The following KCNA6 variants were observed in gnomAD, a reference collection of about 807,000 sequenced individuals.
The protein encoded by KCNA6 is human brain potassium channel-2.
Under a neutral mutation model 29.5 loss-of-function variants are expected in KCNA6, and 17 were observed. The observed-to-expected ratio is 0.58, with a 90% CI of 0.39 to 0.86. The LOEUF (loss-of-function observed/expected upper bound fraction) is 0.86, where lower values mean the gene tolerates loss of function less well. Ranked by LOEUF, KCNA6 falls within the 40% of genes least tolerant of loss-of-function variation. The pLI is 0.00. For missense variants in KCNA6, 450 were observed against 703.4 expected (o/e 0.64, Z 4.07); for synonymous variants, 296 against 304.7 (o/e 0.97, Z 0.30).
At chr12:4,809,909 A>G (rs1465125718) in exon 1 of KCNA6, 1 of 1,101,006 alleles carries the variant, frequency 9.1e-7, no homozygotes. Flanking sequence ...CGGCCAGGTC[A>G]GACCGCGAAC....
chr12:4,847,174 C>T, the KCNA6 span, among the ~76,000 whole-genome samples: 3 of 152,172 alleles, frequency 2.0e-5, no homozygotes, highest in East Asian at 5.8e-4. Context: ...AGTTTGAAAA[C>T]CACCCCCATT....
At chr12:4,833,165 A>G in the KCNA6 span, among the ~76,000 whole-genome samples, 22 of 152,184 alleles carry the variant, frequency 1.4e-4, no homozygotes. Flanking sequence ...TGACATAGCT[A>G]ACCAATTAAA....
the KCNA6 span, among the ~76,000 whole-genome samples, chr12:4,822,182 G>A: frequency 2.4e-4 from 36 of 152,102 alleles, no homozygotes; most frequent in Non-Finnish European, 4.6e-4. Flanking sequence ...TTCATAGGTG[G>A]GAGATATTTC....
the KCNA6 span, among the ~76,000 whole-genome samples, chr12:4,836,322 C>G: frequency 5.5e-4 from 84 of 152,202 alleles, no homozygotes; most frequent in African/African-American, 1.8e-3. Flanking sequence ...ATCAGGTGGA[C>G]TCTGCAGTAA....
the KCNA6 span, among the ~76,000 whole-genome samples, chr12:4,832,522 G>A: frequency 6.6e-6 from 1 of 152,130 alleles, no homozygotes; most frequent in Non-Finnish European, 1.5e-5. Context: ...GAGGACATTG[G>A]CTTGTACCTC....
At chr12:4,842,012 CGTGT>C in the KCNA6 span, among the ~76,000 whole-genome samples, 17,853 of 124,650 alleles carry the variant, frequency 0.14, 1,034 homozygotes, top group Admixed American at 0.16. Flanking sequence ...ATGGAGCTTA[CGTGT>C]GTGTGTGTGT....
chr12:4,849,614 C>T, the KCNA6 span, among the ~76,000 whole-genome samples: 2 of 151,408 alleles, frequency 1.3e-5, no homozygotes, highest in Admixed American at 6.6e-5. Flanking sequence ...TGACTGTCAC[C>T]AGGCAAACTG....
downstream of KCNA6, among the ~76,000 whole-genome samples, chr12:4,816,809 G>A (rs1052966784): frequency 6.6e-6 from 1 of 152,036 alleles, no homozygotes; most frequent in African/African-American, 2.4e-5. Flanking sequence ...GGACGGTAAC[G>A]GCCTTCATTT....
chr12:4,811,814 C>T lies in KCNA6; in HGVS notation c.*183C>T. Reference sequence around the variant, plus strand: ...CTTGTTGCTTAATCCCTGCAGCATTCAAGGTTAATCCATCTAAGTGACATT... The same window carrying T: ...CTTGTTGCTTAATCCCTGCAGCATTTAAGGTTAATCCATCTAAGTGACATT... On this transcript the variant is annotated 3_prime_UTR_variant, in exon 1 of 1. Transcript: ENST00000280684. This position sits in a 1 kb window ranked among gnomAD's most constrained non-coding sequence, Gnocchi z 7.1. 1.5e-6 allele frequency: 1 copy of T among 672,092 alleles called. No individual in the cohort carries two copies. The highest frequency in any genetic ancestry group is 2.5e-6 in the Non-Finnish European group (1 of 397,708). 41.6% of individuals were successfully genotyped at this position (672,092 alleles called of 1,614,324 possible). A position where few individuals can be genotyped will look rare whatever the true frequency, so the allele number is the denominator to read the frequency against.
At position 4,810,824 on chromosome 12, in the gene KCNA6, C is replaced by A; in HGVS notation, c.783C>A (p.Asp261Glu). The A allele has an allele frequency of 6.3e-7, 1 of 1,595,420 alleles. No individual in the cohort carries two copies. The highest frequency in any genetic ancestry group is 8.5e-7 in the Non-Finnish European group (1 of 1,171,204). ...CTCTTGGGGGCTCCTTCTTTACAGA[C>A]CCCTTCTTTCTGGTGGAGACGCTGT... Residue 261 changes from aspartate to glutamate, a missense_variant, in exon 1 of 1, where the codon GAC (aspartate) becomes GAA (glutamate). Physicochemically the swap from Asp to Glu is conservative, Grantham distance 45. Coordinates refer to ENST00000280684, the Ensembl canonical transcript of KCNA6. This position sits in a 1 kb window ranked among gnomAD's most constrained non-coding sequence, Gnocchi z 7.5.
the KCNA6 span, among the ~76,000 whole-genome samples, chr12:4,839,530 T>G: frequency 6.6e-6 from 1 of 152,336 alleles, no homozygotes; most frequent in Non-Finnish European, 1.5e-5. Context: ...AGTAGTTAAG[T>G]TTTGGGGGAG....
chr12:4,851,001 A>T, the KCNA6 span: 3 of 338,524 alleles, frequency 8.9e-6, no homozygotes. Context: ...GAGCAAAGAG[A>T]CCAGCTATGG....
At position 4,811,199 on chromosome 12, in the gene KCNA6, G is replaced by T. The variant is rs773957586; in HGVS notation, c.1158G>T (p.Gly386=). 4 of 1,614,072 alleles carry T rather than the reference G, an allele frequency of 2.5e-6. No individual in the cohort carries two copies. The highest frequency in any genetic ancestry group is 1.3e-5 in the African/African-American group (1 of 74,924). The change falls in exon 1 of 1, where the codon GGG becomes GGT. Residue 386 remains glycine, a synonymous_variant. Transcript: ENST00000280684. The surrounding 1 kb of genome is among the most constrained non-coding windows in gnomAD (Gnocchi z 7.1). The stretch of plus-strand genomic sequence containing the variant: ...TGCTCATCTTCTTCCTCTTCATCGG[G>T]GTCATCCTCTTCTCCAGTGCCGTCT...
Position 4,811,721 on chromosome 12 carries a change from T to A in KCNA6, c.*90T>A, listed in dbSNP as rs575085809. 5.6e-6 allele frequency: 8 copies of A among 1,428,212 alleles called. No homozygotes were observed. Among genetic ancestry groups the A allele is most frequent in the Non-Finnish European group, 5.7e-6 (6 of 1,047,602 alleles). 88.5% of individuals were successfully genotyped at this position (1,428,212 alleles called of 1,614,324 possible). ...TTTCCACTACTCACTCTAGCTTCAG[T>A]TGACTTCTTGACTCTCTCCCCTACA... On this transcript the variant is annotated 3_prime_UTR_variant, in exon 1 of 1. Transcript: ENST00000280684. This position sits in a 1 kb window ranked among gnomAD's most constrained non-coding sequence, Gnocchi z 7.1.
the KCNA6 span, among the ~76,000 whole-genome samples, chr12:4,818,760 C>G: frequency 6.6e-6 from 1 of 152,068 alleles, no homozygotes; most frequent in African/African-American, 2.4e-5. Context: ...TTATAGACTT[C>G]TGTTTACATG....
the KCNA6 span, among the ~76,000 whole-genome samples, chr12:4,828,570 C>A: frequency 6.6e-6 from 1 of 152,212 alleles, no homozygotes; most frequent in Non-Finnish European, 1.5e-5. Flanking sequence ...AGTAAAACAA[C>A]AACAGAAACA....
chr12:4,809,574 G>A lies in KCNA6; in HGVS notation c.-468G>A, dbSNP rs372483945. On this transcript the variant is annotated 5_prime_UTR_variant, in exon 1 of 1. Coordinates refer to ENST00000280684, the Ensembl canonical transcript of KCNA6. ...GCCAGGAGTCTTTGCCGAGCCGGAGGGAGGCGCATCTGGCGCTTCGGTACC... is the reference window on the plus strand; with the variant it reads ...GCCAGGAGTCTTTGCCGAGCCGGAGAGAGGCGCATCTGGCGCTTCGGTACC... The A allele has an allele frequency of 4.9e-4, 76 of 155,244 alleles. No homozygotes were observed. The East Asian group carries it at 8.2e-3, about 17-fold the overall frequency. 9.6% of individuals were successfully genotyped at this position (155,244 alleles called of 1,614,324 possible). A position where few individuals can be genotyped will look rare whatever the true frequency, so the allele number is the denominator to read the frequency against.
At chr12:4,822,002 T>G in the KCNA6 span, among the ~76,000 whole-genome samples, 2 of 152,084 alleles carry the variant, frequency 1.3e-5, no homozygotes, top group Admixed American at 1.3e-4. Context: ...CCTGACTAAT[T>G]TTTTGCATTT....
chr12:4,824,543 A>G, the KCNA6 span, among the ~76,000 whole-genome samples: 1 of 152,218 alleles, frequency 6.6e-6, no homozygotes, highest in South Asian at 2.1e-4. Context: ...ATTCCTAAAG[A>G]AAGAACATGA....
Sources: allele counts gnomAD v4.1 joint callset (sites outside exome capture counted in the v4.1 genomes callset), GRCh38; gene constraint gnomAD v4.1.1; non-coding constraint Gnocchi (gnomAD v3.1); transcripts MANE v1.5; gene names NCBI Gene and HGNC (gene_info 2026-07-23, HGNC 2026-07-21).